ZNF385D: variants seen among roughly 807,000 people sequenced by gnomAD.
ZNF385D encodes zinc finger protein 385D, also known as zinc finger protein 659.
In ZNF385D, 15 loss-of-function variants were observed where a neutral mutation model predicts 35.8. That is an observed-to-expected ratio of 0.42 (90% confidence interval 0.28 to 0.64). ZNF385D has a LOEUF of 0.64. ZNF385D is among the 30% of genes least tolerant of loss of function. The probability of loss-of-function intolerance (pLI) is 0.23; values close to 1 mark genes in which losing one functional copy is unlikely to be tolerated. For synonymous variants in ZNF385D, 212 were observed against 186.8 expected, an observed-to-expected ratio of 1.13 and a Z score of -1.10; for missense variants, 474 against 494.6, an observed-to-expected ratio of 0.96 and a Z score of 0.39.
intron 3 of ZNF385D, among the ~76,000 whole-genome samples, chr3:21,843,199 A>G (rs1265287504): frequency 6.6e-6 from 1 of 152,004 alleles, no homozygotes; most frequent in Non-Finnish European, 1.5e-5. Flanking sequence ...CAGTTAGAAG[A>G]TAGTATAAAG....
chr3:22,341,885 G>C (rs1695435665), intron 2 of ZNF385D, among the ~76,000 whole-genome samples: 1 of 152,230 alleles, frequency 6.6e-6, no homozygotes, highest in Non-Finnish European at 1.5e-5. Context: ...TAGGTGCTCA[G>C]TAAATTTGAG....
At chr3:21,862,050 A>G (rs1387863778) in intron 3 of ZNF385D, among the ~76,000 whole-genome samples, 1 of 152,142 alleles carries the variant, frequency 6.6e-6, no homozygotes, top group Non-Finnish European at 1.5e-5. Flanking sequence ...ATGGTTTTAT[A>G]AGTATATATT....
At chr3:22,143,770 G>A (rs982747820) in intron 3 of ZNF385D, among the ~76,000 whole-genome samples, 1 of 152,068 alleles carries the variant, frequency 6.6e-6, no homozygotes, top group Non-Finnish European at 1.5e-5. Context: ...CTGATCTAGT[G>A]ATTAAATTTC....
chr3:21,519,678 G>A (rs1323164567), intron 3 of ZNF385D, among the ~76,000 whole-genome samples: 2 of 152,130 alleles, frequency 1.3e-5, no homozygotes, highest in Non-Finnish European at 2.9e-5. Flanking sequence ...GGAGCTTTTT[G>A]TAAATCAGAG....
At chr3:22,150,367 C>T (rs1025570121) in intron 3 of ZNF385D, among the ~76,000 whole-genome samples, 2 of 151,856 alleles carry the variant, frequency 1.3e-5, no homozygotes, top group Non-Finnish European at 2.9e-5. Context: ...AAACATTCTT[C>T]AGTGAGAAAG....
intron 3 of ZNF385D, among the ~76,000 whole-genome samples, chr3:22,019,617 T>C (rs1697106818): frequency 1.3e-5 from 2 of 151,994 alleles, no homozygotes; most frequent in African/African-American, 4.8e-5. Flanking sequence ...TTCATTGCAA[T>C]AATCAAAGAT....
intron 3 of ZNF385D, among the ~76,000 whole-genome samples, chr3:21,541,596 A>G (rs2062178233): frequency 6.6e-6 from 1 of 152,146 alleles, no homozygotes; most frequent in African/African-American, 2.4e-5. Flanking sequence ...CCTTTTCTTA[A>G]ATTTCTTTGC....
At chr3:21,818,208 A>C (rs568420682) in intron 3 of ZNF385D, among the ~76,000 whole-genome samples, 2 of 152,294 alleles carry the variant, frequency 1.3e-5, no homozygotes, top group East Asian at 3.9e-4. Context: ...GAGGGATAGC[A>C]CTAGGAGAAA....
chr3:22,186,684 C>G (rs950465821), intron 2 of ZNF385D, among the ~76,000 whole-genome samples: 1 of 152,086 alleles, frequency 6.6e-6, no homozygotes, highest in East Asian at 1.9e-4. Context: ...TAATTTCCTA[C>G]TGAGATCTCA....
chr3:21,783,995 A>T (rs1183417120), intron 3 of ZNF385D, among the ~76,000 whole-genome samples: 2 of 152,066 alleles, frequency 1.3e-5, no homozygotes, highest in African/African-American at 2.4e-5. Context: ...CCTTTTTTTC[A>T]ATCAGGACTC....
chr3:21,942,121 TATGTC>T (rs1294652698), intron 3 of ZNF385D, among the ~76,000 whole-genome samples: 1 of 152,196 alleles, frequency 6.6e-6, no homozygotes, highest in Non-Finnish European at 1.5e-5. Flanking sequence ...TTATGTGTAT[TATGTC>T]AAGTAACTGA....
intron 2 of ZNF385D, among the ~76,000 whole-genome samples, chr3:21,622,280 T>A (rs2125816855): frequency 6.6e-6 from 1 of 152,256 alleles, no homozygotes; most frequent in South Asian, 2.1e-4. Flanking sequence ...ACTTTCAATA[T>A]CTTAAATTTG....
intron 4 of ZNF385D, among the ~76,000 whole-genome samples, chr3:21,443,773 C>T (rs539955216): frequency 1.3e-5 from 2 of 152,248 alleles, no homozygotes; most frequent in African/African-American, 4.8e-5. Context: ...CTATTTCTTT[C>T]TACCTTTACA....
At chr3:21,499,955 G>A (rs1255941933) in intron 4 of ZNF385D, among the ~76,000 whole-genome samples, 1 of 152,132 alleles carries the variant, frequency 6.6e-6, no homozygotes, top group Non-Finnish European at 1.5e-5. Flanking sequence ...ATGTCACAAC[G>A]CAAAGTTGGA....
At chr3:22,207,630 A>AACAATCAACAAAGTGAAGAG (rs1206232296) in intron 2 of ZNF385D, among the ~76,000 whole-genome samples, 2 of 152,024 alleles carry the variant, frequency 1.3e-5, no homozygotes, top group Non-Finnish European at 2.9e-5. Flanking sequence ...CAGCAAATGA[A>AACAATCAACAAAGTGAAGAG]ACAATCAACA....
At chr3:21,452,231 TA>T (rs1702502848) in intron 4 of ZNF385D, among the ~76,000 whole-genome samples, 2 of 152,166 alleles carry the variant, frequency 1.3e-5, no homozygotes, top group Admixed American at 6.6e-5. Flanking sequence ...ATTTAAAACA[TA>T]AAAAAGGCAG....
At chr3:21,799,533 T>C (rs567175617) in intron 3 of ZNF385D, among the ~76,000 whole-genome samples, 1 of 152,298 alleles carries the variant, frequency 6.6e-6, no homozygotes, top group African/African-American at 2.4e-5. Context: ...TTCACGTGAT[T>C]TTTGACTTTT....
At chr3:22,126,902 T>C (rs933850676) in intron 3 of ZNF385D, among the ~76,000 whole-genome samples, 2 of 152,180 alleles carry the variant, frequency 1.3e-5, no homozygotes, top group Non-Finnish European at 2.9e-5. Flanking sequence ...CTTGATGAAT[T>C]CATTCCTGTA....
chr3:21,902,258 G>C (rs1256571697), intron 3 of ZNF385D, among the ~76,000 whole-genome samples: 2 of 152,076 alleles, frequency 1.3e-5, no homozygotes, highest in Non-Finnish European at 2.9e-5. Context: ...GCTCATAAAG[G>C]CCTCAAACAG....
Sources: allele counts gnomAD v4.1 joint callset (sites outside exome capture counted in the v4.1 genomes callset), GRCh38; gene constraint gnomAD v4.1.1; transcripts MANE v1.5; gene names NCBI Gene and HGNC (gene_info 2026-07-23, HGNC 2026-07-21).